TTLL11: variants seen among roughly 807,000 people sequenced by gnomAD.
The protein encoded by TTLL11 is tubulin tyrosine ligase like 11.
Under a neutral mutation model 51.7 loss-of-function variants are expected in TTLL11, and 42 were observed. The observed-to-expected ratio is 0.81, with a 90% CI of 0.64 to 1.05. The LOEUF is 1.05. Ranked by LOEUF, TTLL11 falls within the 50% of genes least tolerant of loss-of-function variation. The pLI is 0.00. For missense variants in TTLL11, 799 were observed against 940.4 expected, an observed-to-expected ratio of 0.85 and a Z score of 1.97; for synonymous variants, 381 against 383.5, an observed-to-expected ratio of 0.99 and a Z score of 0.08.
Position 121,842,257 on chromosome 9 carries a change from T to A in TTLL11, c.1840+18080A>T, listed in dbSNP as rs571794583. ...CTTTAGGGCTCCCTCTCCTTTTTTT[T>A]AAAAAAAAAAGACACGTGGTCTCTC... On this transcript the variant is annotated intron_variant, in intron 8 of 8. Transcript: ENST00000321582. 3.5e-3 allele frequency among the ~76,000 whole-genome samples: 528 copies of A among 150,226 alleles called. 2 individuals are homozygous for A. The highest frequency in any genetic ancestry group is 0.014 in the Middle Eastern group (4 of 290).
At chr9:121,849,624 A>G (rs1197216261) in intron 8 of TTLL11, among the ~76,000 whole-genome samples, 1 of 152,250 alleles carries the variant, frequency 6.6e-6, no homozygotes, top group African/African-American at 2.4e-5. Flanking sequence ...AGTTATACAG[A>G]TGACAAATAA....
At chr9:122,031,407 T>C (rs929418239) in intron 3 of TTLL11, among the ~76,000 whole-genome samples, 1 of 152,152 alleles carries the variant, frequency 6.6e-6, no homozygotes, top group Non-Finnish European at 1.5e-5. Flanking sequence ...CCCATCCTAC[T>C]TGGGGGCCCA....
chr9:121,987,187 G>C (rs1004615898), intron 4 of TTLL11, among the ~76,000 whole-genome samples: 2 of 152,158 alleles, frequency 1.3e-5, no homozygotes, highest in African/African-American at 4.8e-5. Context: ...GCTGGGCAGG[G>C]ACATGGTTTG....
chr9:121,846,847 C>A (rs1837528306), intron 8 of TTLL11, among the ~76,000 whole-genome samples: 1 of 152,162 alleles, frequency 6.6e-6, no homozygotes, highest in Non-Finnish European at 1.5e-5. Flanking sequence ...AATCAATAAG[C>A]TTCCATTTTA....
intron 8 of TTLL11, among the ~76,000 whole-genome samples, chr9:121,852,957 G>C (rs978013659): frequency 6.6e-6 from 1 of 152,236 alleles, no homozygotes; most frequent in Non-Finnish European, 1.5e-5. Context: ...TTCAGGGGGA[G>C]GGGGCAAGCC....
chr9:121,874,496 A>G (rs1838489987), intron 6 of TTLL11, among the ~76,000 whole-genome samples: 1 of 152,230 alleles, frequency 6.6e-6, no homozygotes. Flanking sequence ...CACTATTAAC[A>G]TTTTGATTTC....
chr9:121,998,715 A>G (rs1358544652), intron 3 of TTLL11, among the ~76,000 whole-genome samples: 1 of 152,156 alleles, frequency 6.6e-6, no homozygotes, highest in Non-Finnish European at 1.5e-5. Flanking sequence ...GAGCAATTGC[A>G]GTATTGATCA....
chr9:122,084,329 G>T (rs1846070362), intron 1 of TTLL11, among the ~76,000 whole-genome samples: 1 of 152,126 alleles, frequency 6.6e-6, no homozygotes, highest in Non-Finnish European at 1.5e-5. Flanking sequence ...TACTTATAAA[G>T]CATTTATAAA....
intron 6 of TTLL11, among the ~76,000 whole-genome samples, chr9:121,873,587 C>T (rs1400376101): frequency 2.0e-5 from 3 of 151,920 alleles, no homozygotes; most frequent in Non-Finnish European, 4.4e-5. Flanking sequence ...GCTGCGATTA[C>T]AGGCATGAGC....
chr9:121,822,435 C>T lies in TTLL11; in HGVS notation c.*152G>A, dbSNP rs1013746250. 2.9e-4 allele frequency: 196 copies of T among 672,842 alleles called. 3 individuals are homozygous for T. The highest frequency in any genetic ancestry group is 3.8e-5 in the Admixed American group (1 of 26,080). The allele number at this position is 672,842 out of a possible 1,614,324, so 41.7% of individuals were successfully genotyped here. ...GTGAGAACCAGCCAGCCTGGTGAAG[C>T]ACAGCTCAGCCGCACACAGAGACAG... is the stretch of plus-strand genomic sequence containing the variant. On this transcript the variant is annotated 3_prime_UTR_variant, in exon 9 of 9. Coordinates refer to ENST00000321582, the MANE Select transcript of TTLL11 (RefSeq NM_001139442.2). The surrounding 1 kb of genome is among the most constrained non-coding windows in gnomAD (Gnocchi z 5.8).
intron 6 of TTLL11, among the ~76,000 whole-genome samples, chr9:121,949,451 C>G (rs1451643827): frequency 5.9e-5 from 9 of 152,184 alleles, no homozygotes; most frequent in Admixed American, 4.6e-4. Context: ...TCACCAGTAA[C>G]TACTGTGAAA....
intron 6 of TTLL11, among the ~76,000 whole-genome samples, chr9:121,960,377 T>C (rs754774840): frequency 3.3e-5 from 5 of 152,174 alleles, no homozygotes; most frequent in Non-Finnish European, 5.9e-5. Context: ...CTTAGAGCTT[T>C]TATAAATTTG....
rs1216938994 is a variant in TTLL11, at chr9:121,816,534, G to A, written c.*6053C>T. The A allele has an allele frequency of 1.0e-5, 1 of 99,176 alleles. No homozygotes were observed. Among genetic ancestry groups the A allele is most frequent in the Non-Finnish European group, 1.9e-5 (1 of 51,910 alleles). The allele number at this position is 99,176 out of a possible 1,614,324, so 6.1% of individuals were successfully genotyped here. On this transcript the variant is annotated 3_prime_UTR_variant, in exon 9 of 9. Transcript: ENST00000321582. ...TTCTACCAAAGCTCAACGGTGCTCA[G>A]TGTGTGTGTGTGCGTGCGCACGTGT... is the stretch of plus-strand genomic sequence containing the variant.
chr9:121,994,112 T>C (rs1843187270), intron 3 of TTLL11, among the ~76,000 whole-genome samples: 1 of 152,130 alleles, frequency 6.6e-6, no homozygotes. Flanking sequence ...GAAGGCAGTC[T>C]GCAGTGAGGT....
chr9:121,876,749 A>G (rs1473665789), intron 6 of TTLL11, among the ~76,000 whole-genome samples: 1 of 152,212 alleles, frequency 6.6e-6, no homozygotes, highest in Non-Finnish European at 1.5e-5. Context: ...AACGATTCTG[A>G]AAGTGTGGTC....
intron 7 of TTLL11, among the ~76,000 whole-genome samples, chr9:121,868,659 T>C (rs1210258362): frequency 6.6e-6 from 1 of 152,186 alleles, no homozygotes. Context: ...TGTGGAGTCA[T>C]TAATGAGCTC....
At position 121,870,664 on chromosome 9, in the gene TTLL11, G is replaced by A. The variant is rs894047577; in HGVS notation, c.1566C>T (p.Asn522=). 6.4e-7 allele frequency: 1 copy of A among 1,551,750 alleles called. No individual in the cohort carries two copies. The highest frequency in any genetic ancestry group is 1.2e-5 in the South Asian group (1 of 84,054). ...AAATGGAAGGCAGGTGGGCTTCGGG[G>A]TTGGCGTTGCAGTCTGGAGCACTGG... is the stretch of plus-strand genomic sequence containing the variant. ...ELTSAPDCNA[N]PEAHLPSICL... Residue 522 remains asparagine, a synonymous_variant, in exon 7 of 9, where the codon AAC becomes AAT. Coordinates refer to ENST00000321582, the MANE Select transcript of TTLL11 (RefSeq NM_001139442.2).
intron 8 of TTLL11, among the ~76,000 whole-genome samples, chr9:121,826,545 A>ATGTGTG (rs1836799416): frequency 1.7e-5 from 1 of 58,344 alleles, no homozygotes; most frequent in African/African-American, 9.9e-5. Flanking sequence ...GTGTATATAT[A>ATGTGTG]TATATGTGTG....
chr9:121,819,819 A>G lies in TTLL11; in HGVS notation c.*2768T>C, dbSNP rs1224017074. 6.6e-6 allele frequency among the ~76,000 whole-genome samples: 1 copy of G among 152,200 alleles called. No individual in the cohort carries two copies. Among genetic ancestry groups the G allele is most frequent in the African/African-American group, 2.4e-5 (1 of 41,444 alleles). On this transcript the variant is annotated 3_prime_UTR_variant, in exon 9 of 9. Coordinates refer to ENST00000321582, the MANE Select transcript of TTLL11 (RefSeq NM_001139442.2). ...CGTTTCAATTACATCCAATAAAACG[A>G]GTGGCCGATTACCAAAGGGGTAAAC...
Sources: gnomAD v4.1 joint callset for allele counts (sites outside exome capture counted in the v4.1 genomes callset) on GRCh38, gnomAD v4.1.1 for gene constraint, Gnocchi (gnomAD v3.1) non-coding constraint, MANE v1.5 for transcripts, NCBI Gene and HGNC (gene_info 2026-07-23, HGNC 2026-07-21) for gene names.